The following PIWIL1 variants were observed in gnomAD, a reference collection of about 807,000 sequenced individuals.
PIWIL1 encodes the protein piwi-like protein 1.
PIWIL1 carries 73 observed loss-of-function variants against 114.4 expected under a neutral mutation model. The ratio of observed to expected loss-of-function variants is 0.64; its 90% CI spans 0.53 to 0.78. PIWIL1 has a LOEUF of 0.78. Ranked by LOEUF, PIWIL1 falls within the 30% of genes least tolerant of loss-of-function variation. The probability of loss-of-function intolerance (pLI) is 0.00; values close to 1 mark genes in which losing one functional copy is unlikely to be tolerated. For missense variants in PIWIL1, 723 were observed against 1,063.1 expected, an observed-to-expected ratio of 0.68 and a Z score of 4.45; for synonymous variants, 375 against 369.0, an observed-to-expected ratio of 1.02 and a Z score of -0.19.
chr12:130,351,128 C>T (rs986562658), intron 9 of PIWIL1: 2 of 152,132 alleles, frequency 1.3e-5, no homozygotes, highest in Middle Eastern at 3.4e-3. Flanking sequence ...ATTTTTCTGT[C>T]GTTAATTTTA....
At chr12:130,359,614 C>A (rs2073456404) in intron 14 of PIWIL1, among the ~76,000 whole-genome samples, 3 of 152,194 alleles carry the variant, frequency 2.0e-5, no homozygotes, top group African/African-American at 7.2e-5. Context: ...ACAAGTACTT[C>A]AGCTCTCCTT....
chr12:130,347,590 T>C (rs1287546961), intron 6 of PIWIL1, among the ~76,000 whole-genome samples: 1 of 152,234 alleles, frequency 6.6e-6, no homozygotes, highest in Non-Finnish European at 1.5e-5. Flanking sequence ...GTAATTTCCC[T>C]CTTTAAGTTA....
chr12:130,421,880 G>A, the PIWIL1 span, among the ~76,000 whole-genome samples: 7,204 of 152,306 alleles, frequency 0.047, 456 homozygotes, highest in Admixed American at 0.19. Context: ...CTTTCAGCAT[G>A]GCTGGCTGAA....
the PIWIL1 span, chr12:130,407,739 T>A: frequency 6.2e-7 from 1 of 1,613,914 alleles, no homozygotes; most frequent in Non-Finnish European, 8.5e-7. Flanking sequence ...GACATCGACG[T>A]TGGGCGAGCT....
the PIWIL1 span, chr12:130,424,311 T>C: frequency 6.5e-6 from 8 of 1,231,302 alleles, no homozygotes; most frequent in African/African-American, 1.2e-4. The surrounding 1 kb of genome is among the most constrained non-coding windows in gnomAD (Gnocchi z 9.8). Context: ...CTGGGGGTCG[T>C]CGTTCCTGAG....
intron 1 of PIWIL1, 95 bp downstream of exon 1, chr12:130,338,241 G>A (rs1167287756): frequency 9.3e-6 from 3 of 324,144 alleles, no homozygotes; most frequent in Non-Finnish European, 1.8e-5. Flanking sequence ...TCGAGGTGCG[G>A]GGACCGGGTT....
chr12:130,355,799 T>G, intron 12 of PIWIL1, 132 bp downstream of exon 12: 1 of 676,986 alleles, frequency 1.5e-6, no homozygotes, highest in Admixed American at 2.3e-5. Context: ...AAGTTGACAA[T>G]CAAGTGAGGC....
chr12:130,356,714 GT>G (rs1333282857), intron 12 of PIWIL1, among the ~76,000 whole-genome samples: 1 of 152,180 alleles, frequency 6.6e-6, no homozygotes, highest in Non-Finnish European at 1.5e-5. Context: ...CAGTATGAGT[GT>G]ATTTTAAGTA....
the PIWIL1 span, chr12:130,396,009 T>C: frequency 6.9e-5 from 3 of 43,780 alleles, no homozygotes; most frequent in Admixed American, 7.2e-4. Context: ...CAAAATTATT[T>C]TTGGAAAAAA....
the PIWIL1 span, among the ~76,000 whole-genome samples, chr12:130,422,858 A>G: frequency 3.3e-5 from 5 of 152,110 alleles, no homozygotes; most frequent in African/African-American, 1.2e-4. This position sits in a 1 kb window ranked among gnomAD's most constrained non-coding sequence, Gnocchi z 5.2. Flanking sequence ...GGGACCAAAG[A>G]GACAATGGCT....
chr12:130,358,200 C>G (rs987135874), intron 14 of PIWIL1, among the ~76,000 whole-genome samples: 1 of 152,194 alleles, frequency 6.6e-6, no homozygotes, highest in Non-Finnish European at 1.5e-5. Context: ...GTCTCGCTAC[C>G]TAGCGTGGGT....
At chr12:130,355,332 G>GT (rs1565948184) in intron 11 of PIWIL1, among the ~76,000 whole-genome samples, 1 of 152,212 alleles carries the variant, frequency 6.6e-6, no homozygotes, top group Non-Finnish European at 1.5e-5. Flanking sequence ...CGGGGAGAAA[G>GT]TTTGGGCATC....
At chr12:130,406,360 C>T in the PIWIL1 span, 71 of 657,838 alleles carry the variant, frequency 1.1e-4, no homozygotes, top group Admixed American at 1.9e-4. Context: ...TTAATCTACT[C>T]TTTCAGTCAA....
rs367820124 is a variant in PIWIL1 at position 130,357,066 on chromosome 12, T to C, written c.1553T>C (p.Val518Ala). ...TCATTGATACAAAATCTATTTAAAGTTACACCAGCCATGGGCATGCAAATG... is the reference window on the plus strand; with the variant it reads ...TCATTGATACAAAATCTATTTAAAGCTACACCAGCCATGGGCATGCAAATG... ...ANSLIQNLFKVTPAMGMQMRK... is the reference protein window; with the variant it reads ...ANSLIQNLFKATPAMGMQMRK... The change falls in exon 13 of 21, where the codon GTT (valine) becomes GCT (alanine). Residue 518 changes from valine (V) to alanine (A), a missense_variant. By Grantham distance (64) the Val-to-Ala change is moderately conservative. Around this residue, in one of 8 missense-constraint regions of PIWIL1, gnomAD observed 298 missense variants for 420.8 expected, o/e 0.71. Transcript: ENST00000245255. The C allele has an allele frequency of 7.4e-6, 12 of 1,613,274 alleles. No homozygotes were observed. The highest frequency in any genetic ancestry group is 9.3e-6 in the Non-Finnish European group (11 of 1,179,522).
At chr12:130,375,633 T>G (rs2073861377), downstream of PIWIL1, among the ~76,000 whole-genome samples, 1 of 152,198 alleles carries the variant, frequency 6.6e-6, no homozygotes, top group South Asian at 2.1e-4. Context: ...GTTTCCCTGC[T>G]TTAGTATTTT....
Position 130,340,403 on chromosome 12 carries a change from G to A in PIWIL1, c.-12-2177G>A, listed in dbSNP as rs529505415. ...GTGAGGGATGGTTTCGGGATGAAACGGTTCCACCTCGGATTATCAGGCATT... is the reference window on the plus strand; with the variant it reads ...GTGAGGGATGGTTTCGGGATGAAACAGTTCCACCTCGGATTATCAGGCATT... On this transcript the variant is annotated intron_variant, in intron 1 of 20. Transcript: ENST00000245255. 1.4e-4 allele frequency among the ~76,000 whole-genome samples: 21 copies of A among 152,076 alleles called. No homozygotes were observed. The South Asian group carries it at 4.4e-3, about 32-fold the overall frequency.
the PIWIL1 span, chr12:130,406,383 G>T: frequency 6.6e-6 from 4 of 606,108 alleles, no homozygotes; most frequent in Non-Finnish European, 1.2e-5. Context: ...AAAGGTAGAA[G>T]CTAATGAATG....
At chr12:130,346,030 A>G (rs1317494509) in intron 4 of PIWIL1, 152 bp downstream of exon 4, 4 of 710,444 alleles carry the variant, frequency 5.6e-6, no homozygotes, top group Non-Finnish European at 9.1e-6. Flanking sequence ...GAAGTAGGTT[A>G]TAGATATCTT....
chr12:130,407,631 G>A, the PIWIL1 span: 3 of 958,244 alleles, frequency 3.1e-6, no homozygotes, highest in South Asian at 2.6e-5. Context: ...GAGAAGGAAT[G>A]AGGAGGTGAA....
Sources: allele counts gnomAD v4.1 joint callset (sites outside exome capture counted in the v4.1 genomes callset), GRCh38; gene constraint gnomAD v4.1.1; regional missense constraint gnomAD v4.1.1; non-coding constraint Gnocchi (gnomAD v3.1); transcripts MANE v1.5; gene names NCBI Gene and HGNC (gene_info 2026-07-23, HGNC 2026-07-21).